The following KLHL20 variants were observed in gnomAD, a reference collection of about 807,000 sequenced individuals.
KLHL20 encodes kelch like family member 20.
A neutral mutation model predicts 69.5 loss-of-function variants in KLHL20; 29 were observed. That is an observed-to-expected ratio of 0.42 (90% CI 0.31 to 0.57). The LOEUF (loss-of-function observed/expected upper bound fraction) is 0.57, where lower values mean the gene tolerates loss of function less well. Ranked by LOEUF, KLHL20 falls within the 20% of genes least tolerant of loss-of-function variation. The pLI is 0.18. For missense variants in KLHL20, 419 were observed against 776.0 expected (o/e 0.54, Z 5.47); for synonymous variants, 253 against 265.2 (o/e 0.95, Z 0.45).
chr1:173,781,135 AG>A (rs1158471997), intron 10 of KLHL20, among the ~76,000 whole-genome samples: 1 of 152,132 alleles, frequency 6.6e-6, no homozygotes, highest in Non-Finnish European at 1.5e-5. Context: ...TGTTATCTTC[AG>A]GGACTAGCAG....
At chr1:173,726,968 C>T (rs1395475184) in intron 2 of KLHL20, among the ~76,000 whole-genome samples, 6 of 152,054 alleles carry the variant, frequency 3.9e-5, no homozygotes, top group African/African-American at 4.8e-5. Context: ...GGAGGAAGTT[C>T]GAACCCATGG....
chr1:173,756,141 C>A, intron 6 of KLHL20, 103 bp downstream of exon 6: 1 of 786,620 alleles, frequency 1.3e-6, no homozygotes, highest in South Asian at 1.7e-5. Context: ...TGTCATAAGA[C>A]ACAAATAATA....
chr1:173,729,632 A>C (rs1453104960), intron 2 of KLHL20, among the ~76,000 whole-genome samples: 1 of 152,224 alleles, frequency 6.6e-6, no homozygotes, highest in African/African-American at 2.4e-5. Flanking sequence ...CCACATGATT[A>C]TCTCAATAGA....
At position 173,718,673 on chromosome 1, in the gene KLHL20, A is replaced by G. The variant is rs184187124; in HGVS notation, c.23+2607A>G. On this transcript the variant is annotated intron_variant, in intron 2 of 11. Transcript: ENST00000209884. The stretch of plus-strand genomic sequence containing the variant: ...AGCCCAGGAGTTCGAGGCTGTGGTG[A>G]TCATGCCACTGCACTCCTGCCCGTG... 4.5e-3 allele frequency among the ~76,000 whole-genome samples: 678 copies of G among 152,214 alleles called. 5 individuals are homozygous for G. The highest frequency in any genetic ancestry group is 0.015 in the African/African-American group (638 of 41,538).
In KLHL20 at chr1:173,775,717, T is replaced by C. The variant is rs774621368; in HGVS notation, c.1513T>C (p.Tyr505His). 2 of 1,614,092 alleles carry C rather than the reference T, an allele frequency of 1.2e-6. No individual in the cohort carries two copies. The highest frequency in any genetic ancestry group is 1.1e-5 in the South Asian group (1 of 91,086). Reference sequence around the variant, plus strand: ...GAGGAAACACCTAGGCTGTGCAGTATATCAGGACATGATCTATGCTGTAGG... The same window carrying C: ...GAGGAAACACCTAGGCTGTGCAGTACATCAGGACATGATCTATGCTGTAGG... ...TRRKHLGCAVYQDMIYAVGGR... is the reference protein window; with the variant it reads ...TRRKHLGCAVHQDMIYAVGGR... Residue 505 changes from tyrosine (Y) to histidine (H), a missense_variant, in exon 10 of 12, where the codon TAT (tyrosine) becomes CAT (histidine). Physicochemically the swap from Tyr to His is moderately conservative, Grantham distance 83. Transcript: ENST00000209884.
rs532050031 is a variant in KLHL20, at chr1:173,780,978, C to T, written c.1639-1146C>T. On this transcript the variant is annotated intron_variant, in intron 10 of 11. Transcript: ENST00000209884. ...CTGCACTGCAGCCTGAGTGACAGAG[C>T]GAGACCCTGTGAGTGAGAGAGAGAG... Among the ~76,000 whole-genome samples the T allele has an allele frequency of 2.7e-4, 38 of 140,698 alleles. No individual in the cohort carries two copies. In the Admixed American group the frequency reaches 3.0e-3, roughly 11 times the overall value. The allele number at this position is 140,698 out of a possible 152,430, so 92.3% of individuals were successfully genotyped here. A position where few individuals can be genotyped will look rare whatever the true frequency, so the allele number is the denominator to read the frequency against.
At chr1:173,766,778 T>TA (rs915268127) in intron 8 of KLHL20, among the ~76,000 whole-genome samples, 12 of 152,104 alleles carry the variant, frequency 7.9e-5, no homozygotes, top group Non-Finnish European at 1.5e-4. Flanking sequence ...ATGAAAGATC[T>TA]AAAAAAAGTT....
At chr1:173,720,094 C>A (rs1245245433) in intron 2 of KLHL20, among the ~76,000 whole-genome samples, 1 of 152,050 alleles carries the variant, frequency 6.6e-6, no homozygotes, top group Non-Finnish European at 1.5e-5. Context: ...TGCACTCCAG[C>A]CCGGATGACA....
intron 2 of KLHL20, among the ~76,000 whole-genome samples, chr1:173,726,733 C>G (rs984356462): frequency 5.9e-5 from 9 of 152,124 alleles, no homozygotes; most frequent in African/African-American, 9.7e-5. Flanking sequence ...TACATCCACA[C>G]CAAAACCCCA....
At chr1:173,767,004 A>G (rs529080814) in intron 8 of KLHL20, among the ~76,000 whole-genome samples, 50 of 152,244 alleles carry the variant, frequency 3.3e-4, no homozygotes, top group Admixed American at 4.6e-4. Flanking sequence ...TCTTGAATTT[A>G]TTCCTCCTCT....
chr1:173,738,293 C>A lies in KLHL20; in HGVS notation c.597+4007C>A, dbSNP rs528317000. Among the ~76,000 whole-genome samples the A allele has an allele frequency of 1.9e-4, 29 of 152,268 alleles. 2 individuals carry two copies. In the South Asian group the frequency reaches 6.0e-3, roughly 32 times the overall value. On this transcript the variant is annotated intron_variant, in intron 3 of 11. Transcript: ENST00000209884. ...AAGCGATCCTCCCGCCTCAGCCCCC[C>A]ACGTAGCTGGGACTACAGATGCGCA...
intron 5 of KLHL20, among the ~76,000 whole-genome samples, chr1:173,754,763 A>G (rs1009195447): frequency 2.0e-5 from 3 of 152,194 alleles, no homozygotes; most frequent in Non-Finnish European, 4.4e-5. Flanking sequence ...GCAGAAAGTA[A>G]AAGTACTTAT....
At chr1:173,746,774 C>T (rs1229054676) in intron 3 of KLHL20, among the ~76,000 whole-genome samples, 1 of 151,792 alleles carries the variant, frequency 6.6e-6, no homozygotes, top group Non-Finnish European at 1.5e-5. Context: ...CTTGCTTGTA[C>T]TTTCTTTTGG....
At chr1:173,741,895 C>T (rs1240546894) in intron 3 of KLHL20, 3 of 1,501,364 alleles carry the variant, frequency 2.0e-6, no homozygotes, top group Non-Finnish European at 1.8e-6. Context: ...GCAAGGCTTA[C>T]AAGAAGGATG....
Position 173,786,513 on chromosome 1 carries a change from C to A in KLHL20, c.*1266C>A, listed in dbSNP as rs1649209306. ...TAACTGCATTTAAAAGGAATAACCT[C>A]CTTCTCCCTTTCCCCAACTACAAAA... On this transcript the variant is annotated 3_prime_UTR_variant, in exon 12 of 12. Transcript: ENST00000209884. 6.6e-6 allele frequency: 1 copy of A among 152,492 alleles called. No homozygotes were observed. Among genetic ancestry groups the A allele is most frequent in the Non-Finnish European group, 1.5e-5 (1 of 67,998 alleles). The allele number at this position is 152,492 out of a possible 1,614,324, so 9.4% of individuals were successfully genotyped here.
At chr1:173,767,828 C>T (rs1210129836) in intron 8 of KLHL20, among the ~76,000 whole-genome samples, 1 of 152,118 alleles carries the variant, frequency 6.6e-6, no homozygotes, top group African/African-American at 2.4e-5. Flanking sequence ...TTCTCCCACT[C>T]TGTAGATTGT....
Position 173,785,359 on chromosome 1 carries a change from C to G in KLHL20, c.*112C>G. On this transcript the variant is annotated 3_prime_UTR_variant, in exon 12 of 12. Coordinates refer to ENST00000209884, the MANE Select transcript of KLHL20 (RefSeq NM_014458.4). ...AACAAATTTTATTATTTGCCGGTGC[C>G]TCAACAAATGGAAATACAATCCAAT... The G allele has an allele frequency of 3.5e-6, 2 of 572,418 alleles. No individual in the cohort carries two copies. The highest frequency in any genetic ancestry group is 5.7e-6 in the Non-Finnish European group (2 of 352,762). The allele number at this position is 572,418 out of a possible 1,614,324, so 35.5% of individuals were successfully genotyped here. A position where few individuals can be genotyped will look rare whatever the true frequency, so the allele number is the denominator to read the frequency against.
At chr1:173,765,502 CAAA>C (rs533264382) in intron 7 of KLHL20, among the ~76,000 whole-genome samples, 1 of 127,744 alleles carries the variant, frequency 7.8e-6, no homozygotes, top group Non-Finnish European at 1.7e-5. Flanking sequence ...GACTCCGTCT[CAAA>C]AAAAAAAAAA....
At chr1:173,757,770 GTTAC>G (rs1226325804) in intron 7 of KLHL20, among the ~76,000 whole-genome samples, 4 of 151,784 alleles carry the variant, frequency 2.6e-5, no homozygotes, top group Non-Finnish European at 5.9e-5. Flanking sequence ...TTAGTTACTA[GTTAC>G]TTGTTCCTTT....
Sources: gnomAD v4.1 joint callset for allele counts (sites outside exome capture counted in the v4.1 genomes callset) on GRCh38, gnomAD v4.1.1 for gene constraint, MANE v1.5 for transcripts, NCBI Gene and HGNC (gene_info 2026-07-23, HGNC 2026-07-21) for gene names.